Variants in VPS16 observed in about 807,000 individuals in gnomAD.
VPS16 encodes VPS16 core subunit of CORVET and HOPS complexes.
Under a neutral mutation model 116.0 loss-of-function variants are expected in VPS16, and 82 were observed. That is an observed-to-expected ratio of 0.71 (90% CI 0.59 to 0.85). The LOEUF (loss-of-function observed/expected upper bound fraction) is 0.85, where lower values mean the gene tolerates loss of function less well. VPS16 is among the 40% of genes least tolerant of loss of function. The probability of loss-of-function intolerance (pLI) is 0.00; values close to 1 mark genes in which losing one functional copy is unlikely to be tolerated. For synonymous variants in VPS16, 406 were observed against 420.7 expected (o/e 0.96, Z 0.43); for missense variants, 928 against 1,090.6 (o/e 0.85, Z 2.10).
rs746095175 is a variant in VPS16, at chr20:2,861,235, G to A, written c.764G>A (p.Cys255Tyr). 3.4e-5 allele frequency: 55 copies of A among 1,614,118 alleles called. No homozygotes were observed. In the Admixed American group the frequency reaches 9.0e-4, roughly 26 times the overall value. ...CCCACACCATTTCAGGAGAAGCTAT[G>A]TGAGTTCAACTGCAACATCCGGGCA... ...MGTASLKEKL[C>Y]EFNCNIRAPP... Residue 255 changes from cysteine (C) to tyrosine (Y), a missense_variant, in exon 8 of 24, where the codon TGT becomes TAT. Cys to Tyr is a radical substitution (Grantham distance 194, BLOSUM62 -2). Coordinates refer to ENST00000380445, the MANE Select transcript of VPS16 (RefSeq NM_022575.4).
At chr20:2,861,163 G>T in intron 7 of VPS16, 62 bp from the exon 8 acceptor site, 1 of 1,614,160 alleles carries the variant, frequency 6.2e-7, no homozygotes, top group Non-Finnish European at 8.5e-7. Context: ...GATGCGGGAG[G>T]GCTTTTCGAC....
intron 1 of VPS16, among the ~76,000 whole-genome samples, chr20:2,846,191 A>G (rs954717570): frequency 2.2e-5 from 3 of 136,868 alleles, no homozygotes; most frequent in Non-Finnish European, 4.5e-5. Context: ...ATCTCAGCTC[A>G]CTGCAACATC....
chr20:2,862,458 G>C, intron 11 of VPS16, 121 bp from the exon 12 acceptor site: 5 of 1,491,520 alleles, frequency 3.4e-6, no homozygotes, highest in Non-Finnish European at 4.5e-6. Flanking sequence ...AGGGAGTTGG[G>C]GCTCCAGCCT....
rs1246574298 is a variant in VPS16 at position 2,840,824 on chromosome 20, A to G, written c.50A>G (p.Tyr17Cys). 2.6e-6 allele frequency: 4 copies of G among 1,547,488 alleles called. No individual in the cohort carries two copies. Among genetic ancestry groups the G allele is most frequent in the East Asian group, 4.9e-5 (2 of 40,842 alleles). ...AACCCACTCGGGGACTCTGCCTTTT[A>G]CCGGTGAGCTGCCCCGCCCTCCCGC... is the stretch of plus-strand genomic sequence containing the variant. ...NWNPLGDSAFYRKYELYSMDW... is the reference protein window; with the variant it reads ...NWNPLGDSAFCRKYELYSMDW... Residue 17 changes from tyrosine to cysteine, a missense_variant, in exon 1 of 24, where the codon TAC (tyrosine) becomes TGC (cysteine). Coordinates refer to ENST00000380445, the MANE Select transcript of VPS16 (RefSeq NM_022575.4).
In VPS16 at chr20:2,843,536, T is replaced by G. The variant is rs1303431876; in HGVS notation, c.53+2709T>G. ...CAGTAGGAAATGATTTCAACTTGTTTCTGTGGAGAAGGAATTTCAGCTGAC... is the reference window on the plus strand; with the variant it reads ...CAGTAGGAAATGATTTCAACTTGTTGCTGTGGAGAAGGAATTTCAGCTGAC... On this transcript the variant is annotated intron_variant, in intron 1 of 23. Transcript: ENST00000380445. Among the ~76,000 whole-genome samples, 5 of 152,358 alleles carry G rather than the reference T, an allele frequency of 3.3e-5. No individual in the cohort carries two copies. The East Asian group carries it at 5.8e-4, about 18-fold the overall frequency.
Position 2,861,028 on chromosome 20 carries a change from C to T in VPS16, c.689C>T (p.Thr230Ile). The T allele has an allele frequency of 6.2e-7, 1 of 1,614,234 alleles. No homozygotes were observed. Among genetic ancestry groups the T allele is most frequent in the Non-Finnish European group, 8.5e-7 (1 of 1,180,052 alleles). ...SSFLQMAVSF[T>I]YRHLALFTDT... ...TTCCTACAGATGGCTGTCTCCTTCA[C>T]CTACCGACACCTGGCACTCTTCACA... Residue 230 changes from threonine (T) to isoleucine (I), a missense_variant, in exon 7 of 24, where the codon ACC becomes ATC. By Grantham distance (89) the Thr-to-Ile change is moderately conservative. Transcript: ENST00000380445.
Position 2,861,651 on chromosome 20 carries a change from G to T in VPS16, c.846G>T (p.Val282=), listed in dbSNP as rs961661469. Residue 282 remains valine (V), a synonymous_variant, in exon 9 of 24, where the codon GTG becomes GTT. Transcript: ENST00000380445. ...CTCGTAGCAAGGAGAGGGCCGTGGT[G>T]GTGGCCTGGGAAAGGCGGCTGATGG... is the stretch of plus-strand genomic sequence containing the variant. ...SRPRSKERAV[V]VAWERRLMVV... is the part of the protein sequence containing the mutation. 2 of 1,613,076 alleles carry T rather than the reference G, an allele frequency of 1.2e-6. No homozygotes were observed. Among genetic ancestry groups the T allele is most frequent in the Admixed American group, 1.7e-5 (1 of 59,946 alleles).
In VPS16 at chr20:2,843,173, C is replaced by G. The variant is rs2089026254; in HGVS notation, c.53+2346C>G. On this transcript the variant is annotated intron_variant, in intron 1 of 23. Coordinates refer to ENST00000380445, the MANE Select transcript of VPS16 (RefSeq NM_022575.4). Reference sequence around the variant, plus strand: ...AATTGGCCGAGCGTGGTGGCTCACGCCTGTAATCCCAGCACTTTGGGAGGC... The same window carrying G: ...AATTGGCCGAGCGTGGTGGCTCACGGCTGTAATCCCAGCACTTTGGGAGGC... Among the ~76,000 whole-genome samples the G allele has an allele frequency of 2.0e-5, 3 of 151,902 alleles. 1 individual carries two copies. The South Asian group carries it at 6.2e-4, about 32-fold the overall frequency.
chr20:2,854,663 G>T (rs1179763493), intron 1 of VPS16, among the ~76,000 whole-genome samples: 1 of 151,426 alleles, frequency 6.6e-6, no homozygotes, highest in Non-Finnish European at 1.5e-5. Context: ...GGGCATGGTG[G>T]TGCATGCCTG....
chr20:2,862,784 T>C (rs770188561), intron 12 of VPS16, 23 bp from the exon 13 acceptor site: 4 of 1,613,392 alleles, frequency 2.5e-6, no homozygotes, highest in Non-Finnish European at 3.4e-6. Context: ...AGCTCTCTCC[T>C]ATCGCCCTCT....
chr20:2,858,298 G>T (rs1426595419), intron 1 of VPS16, among the ~76,000 whole-genome samples: 2 of 151,972 alleles, frequency 1.3e-5, no homozygotes, highest in Non-Finnish European at 2.9e-5. Flanking sequence ...GTAAAGACAG[G>T]GTTTCTCCAT....
intron 1 of VPS16, among the ~76,000 whole-genome samples, chr20:2,858,328 G>A (rs1320837400): frequency 6.6e-6 from 1 of 152,000 alleles, no homozygotes; most frequent in African/African-American, 2.4e-5. Context: ...GCCAGTCTCG[G>A]TCCACTGAGC....
chr20:2,849,594 C>T (rs1379395117), intron 1 of VPS16, among the ~76,000 whole-genome samples: 3 of 150,160 alleles, frequency 2.0e-5, no homozygotes, highest in African/African-American at 7.4e-5. Context: ...CTACTGCACC[C>T]GGTTGAAATA....
intron 1 of VPS16, among the ~76,000 whole-genome samples, chr20:2,844,138 G>A (rs1037677422): frequency 2.0e-5 from 3 of 152,158 alleles, no homozygotes; most frequent in Non-Finnish European, 2.9e-5. Flanking sequence ...GGTTTTGGGG[G>A]CGGGCAGGTT....
intron 2 of VPS16, 113 bp from the exon 3 acceptor site, chr20:2,859,941 G>T: frequency 5.3e-6 from 8 of 1,510,426 alleles, no homozygotes; most frequent in South Asian, 1.2e-5. Flanking sequence ...TTTACTTCTG[G>T]TTTTTATAGG....
chr20:2,861,621 C>T lies in VPS16; in HGVS notation c.816C>T (p.Ser272=), dbSNP rs1244546486. The T allele has an allele frequency of 6.2e-7, 1 of 1,610,216 alleles. No homozygotes were observed. Among genetic ancestry groups the T allele is most frequent in the Non-Finnish European group, 8.5e-7 (1 of 1,178,806 alleles). The change falls in exon 9 of 24, where the codon AGC becomes AGT. Residue 272 remains serine, a synonymous_variant. Transcript: ENST00000380445. ...GTGTATATGCTGCTCACAGGTGCAG[C>T]CGTCCTCGTAGCAAGGAGAGGGCCG... ...RAPPKQMVWC[S]RPRSKERAVV...
Position 2,863,026 on chromosome 20 carries a change from C to T in VPS16, c.1332-39C>T. The stretch of plus-strand genomic sequence containing the variant: ...GTCTGCAGGTACCTGGCAAGCGGGG[C>T]TTATTCTCCAACTGGATCCTTAACC... On this transcript the variant is annotated intron_variant, in intron 13 of 23. Transcript: ENST00000380445. The surrounding 1 kb of genome is among the most constrained non-coding windows in gnomAD (Gnocchi z 4.4). 1.2e-6 allele frequency: 2 copies of T among 1,614,078 alleles called. No homozygotes were observed. The highest frequency in any genetic ancestry group is 1.1e-5 in the South Asian group (1 of 91,078).
intron 1 of VPS16, among the ~76,000 whole-genome samples, chr20:2,853,996 G>T (rs1356651920): frequency 6.6e-6 from 1 of 152,086 alleles, no homozygotes; most frequent in African/African-American, 2.4e-5. Context: ...GTTCTTAATG[G>T]CATCTACAAT....
rs2089214684 is a variant in VPS16 at position 2,860,431 on chromosome 20, A to G, written c.370-18A>G. 2 of 1,614,036 alleles carry G rather than the reference A, an allele frequency of 1.2e-6. No individual in the cohort carries two copies. The highest frequency in any genetic ancestry group is 1.7e-6 in the Non-Finnish European group (2 of 1,179,990). The stretch of plus-strand genomic sequence containing the variant: ...TATGACCCTGTGGCTCCCTTAACCC[A>G]TGGCCCCCTTTCCTCAGGAAGTGCT... On this transcript the variant is annotated intron_variant, in intron 4 of 23. Coordinates refer to ENST00000380445, the MANE Select transcript of VPS16 (RefSeq NM_022575.4). This position sits in a 1 kb window ranked among gnomAD's most constrained non-coding sequence, Gnocchi z 6.1.
Sources: gnomAD v4.1 joint callset for allele counts (sites outside exome capture counted in the v4.1 genomes callset) on GRCh38, gnomAD v4.1.1 for gene constraint, Gnocchi (gnomAD v3.1) non-coding constraint, MANE v1.5 for transcripts, NCBI Gene and HGNC (gene_info 2026-07-23, HGNC 2026-07-21) for gene names.